Variants in CAMTA1 observed in about 807,000 individuals in gnomAD.
CAMTA1 encodes the protein calmodulin binding transcription activator 1, also known as calmodulin-binding transcription activator 1.
Under a neutral mutation model 170.9 loss-of-function variants are expected in CAMTA1, and 27 were observed. The observed-to-expected ratio is 0.16, with a 90% CI of 0.12 to 0.22. The LOEUF (loss-of-function observed/expected upper bound fraction) is 0.22, where lower values mean the gene tolerates loss of function less well. CAMTA1 is among the 10% of genes least tolerant of loss of function. The pLI, the probability that CAMTA1 is intolerant of heterozygous loss-of-function variation, is 1.00. For synonymous variants in CAMTA1, 833 were observed against 891.5 expected (o/e 0.93, Z 1.17); for missense variants, 1,619 against 2,217.2 (o/e 0.73, Z 5.42).
At chr1:6,785,730 TG>T (rs1003622983) in intron 1 of CAMTA1, among the ~76,000 whole-genome samples, 155 bp downstream of exon 1, 2 of 26,752 alleles carry the variant, frequency 7.5e-5, no homozygotes, top group Non-Finnish European at 1.5e-4. Context: ...GCCGGCGGGG[TG>T]GGGGGGCGGA....
chr1:7,542,078 A>G (rs1466127077), intron 6 of CAMTA1, among the ~76,000 whole-genome samples: 1 of 152,196 alleles, frequency 6.6e-6, no homozygotes, highest in East Asian at 1.9e-4. Flanking sequence ...TACAAAGGCA[A>G]ACAGGCTCAT....
intron 5 of CAMTA1, among the ~76,000 whole-genome samples, chr1:7,316,773 G>A (rs1205383996): frequency 5.3e-5 from 8 of 152,166 alleles, no homozygotes; most frequent in Admixed American, 2.6e-4. Flanking sequence ...GAGGGTGGCC[G>A]TGCCCAGATA....
chr1:6,889,074 T>C (rs1673955435), intron 3 of CAMTA1, among the ~76,000 whole-genome samples: 1 of 152,194 alleles, frequency 6.6e-6, no homozygotes, highest in South Asian at 2.1e-4. Flanking sequence ...GAACTTGAGT[T>C]TTATTTTGCA....
chr1:6,920,439 T>C (rs934752275), intron 3 of CAMTA1, among the ~76,000 whole-genome samples: 7 of 152,222 alleles, frequency 4.6e-5, no homozygotes, highest in South Asian at 2.1e-4. Context: ...GTTGAGTGTC[T>C]GTGGCTTTTC....
Position 7,167,233 on chromosome 1 carries a change from T to C in CAMTA1, c.302+75862T>C, listed in dbSNP as rs1445922090. Among the ~76,000 whole-genome samples, 8 of 152,236 alleles carry C rather than the reference T, an allele frequency of 5.3e-5. 1 individual carries two copies. The South Asian group carries it at 1.4e-3, about 28-fold the overall frequency. Reference sequence around the variant, plus strand: ...TTAGGAGTTTGGTTTGGCTTTCACATCCAAGTTTTAATCTATCTAAAATTC... The same window carrying C: ...TTAGGAGTTTGGTTTGGCTTTCACACCCAAGTTTTAATCTATCTAAAATTC... On this transcript the variant is annotated intron_variant, in intron 4 of 22. Transcript: ENST00000303635.
At chr1:6,800,388 CAG>C (rs752254056) in intron 1 of CAMTA1, among the ~76,000 whole-genome samples, 24 of 152,006 alleles carry the variant, frequency 1.6e-4, no homozygotes, top group Non-Finnish European at 2.8e-4. Flanking sequence ...GTCTGGATGA[CAG>C]AGTGAGATCC....
At chr1:7,023,873 C>A (rs1701684928) in intron 3 of CAMTA1, among the ~76,000 whole-genome samples, 1 of 151,674 alleles carries the variant, frequency 6.6e-6, no homozygotes, top group South Asian at 2.1e-4. Context: ...ACTAAAAATT[C>A]AAAAATTAGC....
intron 4 of CAMTA1, among the ~76,000 whole-genome samples, chr1:7,154,546 C>T (rs1163983364): frequency 1.3e-5 from 2 of 152,178 alleles, no homozygotes; most frequent in Admixed American, 6.5e-5. Flanking sequence ...AATTGACTCA[C>T]ACTAAGGCAA....
chr1:6,945,512 A>G (rs1687423270), intron 3 of CAMTA1, among the ~76,000 whole-genome samples: 1 of 151,842 alleles, frequency 6.6e-6, no homozygotes, highest in Admixed American at 6.6e-5. Flanking sequence ...CTACGCCTGG[A>G]TAATTTTTGT....
At chr1:7,004,520 T>C (rs905670733) in intron 3 of CAMTA1, among the ~76,000 whole-genome samples, 3 of 152,158 alleles carry the variant, frequency 2.0e-5, no homozygotes, top group African/African-American at 7.2e-5. Context: ...TGCTTGCTTT[T>C]TTTCTTTCTA....
At chr1:7,589,655 G>C (rs7519687) in intron 6 of CAMTA1, among the ~76,000 whole-genome samples, 1 of 152,046 alleles carries the variant, frequency 6.6e-6, no homozygotes, top group African/African-American at 2.4e-5. Context: ...TTTGCTCCAC[G>C]TTCTAGGAAA....
At chr1:7,431,996 G>T (rs564516218) in intron 5 of CAMTA1, among the ~76,000 whole-genome samples, 1 of 152,194 alleles carries the variant, frequency 6.6e-6, no homozygotes, top group Non-Finnish European at 1.5e-5. Flanking sequence ...AACAACCTGG[G>T]CCCTGAGCCA....
intron 3 of CAMTA1, among the ~76,000 whole-genome samples, chr1:6,828,286 CTTTTTTTTTT>C (rs746522147): frequency 1.0e-4 from 7 of 69,714 alleles, no homozygotes; most frequent in Admixed American, 2.1e-4. Flanking sequence ...TCATTCCATC[CTTTTTTTTTT>C]TTTTTTTTTT....
intron 9 of CAMTA1, among the ~76,000 whole-genome samples, chr1:7,670,473 C>T (rs1242674452): frequency 6.6e-6 from 1 of 152,186 alleles, no homozygotes; most frequent in African/African-American, 2.4e-5. Flanking sequence ...ATGCTCAGGC[C>T]TGTTTTCAAA....
chr1:7,332,546 G>A (rs1351344670), intron 5 of CAMTA1, among the ~76,000 whole-genome samples: 2 of 152,220 alleles, frequency 1.3e-5, no homozygotes, highest in Non-Finnish European at 2.9e-5. Context: ...GGACTGTATT[G>A]TCTTAGGAGC....
At chr1:6,996,696 A>G (rs1217977351) in intron 3 of CAMTA1, among the ~76,000 whole-genome samples, 1 of 151,266 alleles carries the variant, frequency 6.6e-6, no homozygotes, top group Non-Finnish European at 1.5e-5. Context: ...AAAAAAAGAA[A>G]GAAAGAAAGA....
chr1:7,503,699 C>T (rs1014841157), intron 6 of CAMTA1, among the ~76,000 whole-genome samples: 3 of 152,194 alleles, frequency 2.0e-5, no homozygotes, highest in Non-Finnish European at 2.9e-5. Context: ...TTCCCATTTC[C>T]GTCAGGTTCA....
At position 7,664,350 on chromosome 1, in the gene CAMTA1, G is replaced by C; in HGVS notation, c.1803G>C (p.Gln601His). ...SNKDYTSSFS[Q>H]TGHSPHIHQT... ...AGGACTACACGTCCAGCTTCAGCCA[G>C]ACGGGCCACAGCCCCCACATCCACC... The change falls in exon 9 of 23, where the codon CAG (glutamine) becomes CAC (histidine). Residue 601 changes from glutamine to histidine, a missense_variant. Physicochemically the swap from Gln to His is conservative, Grantham distance 24. Coordinates refer to ENST00000303635, the MANE Select transcript of CAMTA1 (RefSeq NM_015215.4). The C allele has an allele frequency of 6.2e-7, 1 of 1,613,598 alleles. No homozygotes were observed. The highest frequency in any genetic ancestry group is 8.5e-7 in the Non-Finnish European group (1 of 1,180,024).
intron 5 of CAMTA1, among the ~76,000 whole-genome samples, chr1:7,284,996 A>G (rs1401739585): frequency 6.6e-6 from 1 of 152,166 alleles, no homozygotes; most frequent in Admixed American, 6.5e-5. Context: ...GCCCTCTGGG[A>G]AACCCATTGG....
Sources: gnomAD v4.1 joint callset for allele counts (sites outside exome capture counted in the v4.1 genomes callset) on GRCh38, gnomAD v4.1.1 for gene constraint, MANE v1.5 for transcripts, NCBI Gene and HGNC (gene_info 2026-07-23, HGNC 2026-07-21) for gene names.